The following ARHGEF10L variants were observed in gnomAD, a reference collection of about 807,000 sequenced individuals.
ARHGEF10L encodes Rho guanine nucleotide exchange factor 10 like.
Under a neutral mutation model 141.2 loss-of-function variants are expected in ARHGEF10L, and 69 were observed. The ratio of observed to expected loss-of-function variants is 0.49; its 90% CI spans 0.40 to 0.60. The LOEUF is 0.60. ARHGEF10L is among the 20% of genes least tolerant of loss of function. ARHGEF10L has a pLI of 0.00. For missense variants in ARHGEF10L, 1,482 were observed against 1,734.3 expected, an observed-to-expected ratio of 0.85 and a Z score of 2.58; for synonymous variants, 711 against 718.5, an observed-to-expected ratio of 0.99 and a Z score of 0.17.
In ARHGEF10L at chr1:17,539,769, C is replaced by G. The variant is rs1275207871; in HGVS notation, c.-225C>G. On this transcript the variant is annotated 5_prime_UTR_variant, in exon 1 of 29. Coordinates refer to ENST00000361221, the MANE Select transcript of ARHGEF10L (RefSeq NM_018125.4). The surrounding 1 kb of genome is among the most constrained non-coding windows in gnomAD (Gnocchi z 6.0). ...GGGCGCGGGCGCAGTCCCGGCGGGC[C>G]CGGACCTCGCGGGCGGGCGGGCGGC... The G allele has an allele frequency of 3.4e-5, 5 of 146,222 alleles. No homozygotes were observed. Among genetic ancestry groups the G allele is most frequent in the Non-Finnish European group, 7.6e-5 (5 of 65,600 alleles). The allele number at this position is 146,222 out of a possible 1,614,324, so 9.1% of individuals were successfully genotyped here.
At chr1:17,516,831 A>G in the ARHGEF10L span, among the ~76,000 whole-genome samples, 50 of 152,292 alleles carry the variant, frequency 3.3e-4, no homozygotes, top group Admixed American at 2.9e-3. Context: ...CAGGTGGAGC[A>G]GCCGGTTTCC....
intron 4 of ARHGEF10L, among the ~76,000 whole-genome samples, chr1:17,590,394 T>C (rs1474797868): frequency 2.6e-5 from 4 of 152,028 alleles, no homozygotes; most frequent in Non-Finnish European, 2.9e-5. Context: ...GCCTGGTGTG[T>C]GATTCCTGGT....
At chr1:17,670,755 G>T (rs1489859299) in intron 26 of ARHGEF10L, among the ~76,000 whole-genome samples, 1 of 152,218 alleles carries the variant, frequency 6.6e-6, no homozygotes, top group African/African-American at 2.4e-5. Flanking sequence ...GGAGTGACCC[G>T]CTGGGCCCAT....
intron 19 of ARHGEF10L, 88 bp from the exon 20 acceptor site, chr1:17,638,474 T>C: frequency 6.4e-7 from 1 of 1,563,328 alleles, no homozygotes; most frequent in East Asian, 2.3e-5. Context: ...TCTCTTCCTC[T>C]GGGGTGCTGT....
At chr1:17,657,247 C>T (rs945219173) in intron 25 of ARHGEF10L, among the ~76,000 whole-genome samples, 3 of 152,168 alleles carry the variant, frequency 2.0e-5, no homozygotes, top group East Asian at 1.9e-4. Context: ...CAGGGCTAAC[C>T]GTGTTTGGAC....
At chr1:17,645,738 C>T (rs753651664) in intron 21 of ARHGEF10L, among the ~76,000 whole-genome samples, 2 of 152,324 alleles carry the variant, frequency 1.3e-5, no homozygotes, top group South Asian at 2.1e-4. Context: ...TCGCAGGCAC[C>T]GTGCAAGGCG....
intron 1 of ARHGEF10L, among the ~76,000 whole-genome samples, chr1:17,576,305 G>A (rs959958158): frequency 6.6e-6 from 1 of 152,084 alleles, no homozygotes; most frequent in Non-Finnish European, 1.5e-5. Context: ...AATTAGCCAA[G>A]CCAGGAAGAC....
Position 17,588,429 on chromosome 1 carries a change from C to T in ARHGEF10L, c.224-17C>T. On this transcript the variant is annotated splice_polypyrimidine_tract_variant and intron_variant, in intron 3 of 28. Transcript: ENST00000361221. The stretch of plus-strand genomic sequence containing the variant: ...GCCTCTGGCCTGACAGGCTCTCTGT[C>T]TGCTCTTCTTTTGCAGACCCAGACC... 1.9e-6 allele frequency: 3 copies of T among 1,613,900 alleles called. No individual in the cohort carries two copies. Among genetic ancestry groups the T allele is most frequent in the Non-Finnish European group, 2.5e-6 (3 of 1,179,874 alleles).
At chr1:17,646,398 A>G (rs1375340073) in intron 21 of ARHGEF10L, among the ~76,000 whole-genome samples, 1 of 152,208 alleles carries the variant, frequency 6.6e-6, no homozygotes, top group Non-Finnish European at 1.5e-5. Flanking sequence ...CTGGAAAATG[A>G]GGCTCTGAGA....
At chr1:17,554,709 C>T (rs932246605) in intron 1 of ARHGEF10L, among the ~76,000 whole-genome samples, 8 of 151,762 alleles carry the variant, frequency 5.3e-5, no homozygotes, top group African/African-American at 1.2e-4. Flanking sequence ...CCCACCTCAG[C>T]GTACCGAGTA....
At chr1:17,661,708 A>C (rs2062636008) in intron 25 of ARHGEF10L, among the ~76,000 whole-genome samples, 2 of 152,170 alleles carry the variant, frequency 1.3e-5, no homozygotes, top group African/African-American at 4.8e-5. Context: ...ATAGCAGCCT[A>C]ATTAGACTCC....
intron 1 of ARHGEF10L, among the ~76,000 whole-genome samples, chr1:17,569,741 G>T (rs113891810): frequency 6.6e-6 from 1 of 152,226 alleles, no homozygotes; most frequent in East Asian, 1.9e-4. Context: ...CACCTGCCCC[G>T]TGGGAAAGGC....
In ARHGEF10L at chr1:17,573,042, A is replaced by T. The variant is rs184381497; in HGVS notation, c.-43-7511A>T. Among the ~76,000 whole-genome samples the T allele has an allele frequency of 6.6e-6, 1 of 152,094 alleles. No homozygotes were observed. The highest frequency in any genetic ancestry group is 6.5e-5 in the Admixed American group (1 of 15,270). On this transcript the variant is annotated intron_variant, in intron 1 of 28. Transcript: ENST00000361221. The surrounding 1 kb of genome is among the most constrained non-coding windows in gnomAD (Gnocchi z 4.8). ...TTGGCAGTGCCCCTCCGTGAGCTCC[A>T]GCTCTTTCCTGCCATTCTTCCGTCT...
rs982736506 is a variant in ARHGEF10L, at chr1:17,595,665, C to T, written c.258-6462C>T. ...GGAAGCCCTCTGTGCACAGGATGGG[C>T]GGCCACAGAGGGAAGAGGGAACACA... On this transcript the variant is annotated intron_variant, in intron 4 of 28. Coordinates refer to ENST00000361221, the MANE Select transcript of ARHGEF10L (RefSeq NM_018125.4). 2.6e-5 allele frequency among the ~76,000 whole-genome samples: 4 copies of T among 151,996 alleles called. No individual in the cohort carries two copies. In the East Asian group the frequency reaches 5.8e-4, roughly 22 times the overall value.
intron 27 of ARHGEF10L, among the ~76,000 whole-genome samples, chr1:17,692,275 C>T (rs1290042670): frequency 6.6e-6 from 1 of 152,020 alleles, no homozygotes; most frequent in African/African-American, 2.4e-5. Context: ...GTTTGCATTT[C>T]CACATTGCAG....
rs549471651 is a variant in ARHGEF10L, at chr1:17,559,182, A to G, written c.-44+19232A>G. 2.1e-4 allele frequency among the ~76,000 whole-genome samples: 32 copies of G among 152,282 alleles called. No homozygotes were observed. In the South Asian group the frequency reaches 6.2e-3, roughly 30 times the overall value. On this transcript the variant is annotated intron_variant, in intron 1 of 28. Coordinates refer to ENST00000361221, the MANE Select transcript of ARHGEF10L (RefSeq NM_018125.4). ...GCAAGTGTCTCAACCTTTCTGTTTCAGTTCAGTTATTCAGTTGGGGATAAT... is the reference window on the plus strand; with the variant it reads ...GCAAGTGTCTCAACCTTTCTGTTTCGGTTCAGTTATTCAGTTGGGGATAAT...
At chr1:17,584,757 A>C (rs189893750) in intron 2 of ARHGEF10L, among the ~76,000 whole-genome samples, 3 of 152,328 alleles carry the variant, frequency 2.0e-5, no homozygotes, top group Admixed American at 6.5e-5. Flanking sequence ...AGGCAGGAGC[A>C]TGCCTGGCAC....
intron 18 of ARHGEF10L, 99 bp downstream of exon 18, chr1:17,635,115 C>T (rs2060923679): frequency 7.0e-7 from 1 of 1,427,664 alleles, no homozygotes; most frequent in African/African-American, 1.4e-5. Flanking sequence ...CTTGGGGACC[C>T]CTACATAGGC....
At chr1:17,556,277 G>T (rs1272321265) in intron 1 of ARHGEF10L, among the ~76,000 whole-genome samples, 2 of 121,416 alleles carry the variant, frequency 1.6e-5, no homozygotes, top group Admixed American at 8.1e-5. Flanking sequence ...GGCGGCGGGG[G>T]GGGGGCCTGG....
Sources: allele counts gnomAD v4.1 joint callset (sites outside exome capture counted in the v4.1 genomes callset), GRCh38; gene constraint gnomAD v4.1.1; non-coding constraint Gnocchi (gnomAD v3.1); transcripts MANE v1.5; gene names NCBI Gene and HGNC (gene_info 2026-07-23, HGNC 2026-07-21).